C5orf22: variants seen among roughly 807,000 people sequenced by gnomAD.
C5orf22 encodes the protein chromosome 5 open reading frame 22.
C5orf22 carries 36 observed loss-of-function variants against 48.7 expected under a neutral mutation model. The ratio of observed to expected loss-of-function variants is 0.74; its 90% CI spans 0.57 to 0.98. C5orf22 has a LOEUF of 0.98. Among genes scored for constraint, C5orf22 ranks in the 50% least tolerant of loss-of-function variants. C5orf22 has a pLI of 0.00. For missense variants in C5orf22, 486 were observed against 521.9 expected, an observed-to-expected ratio of 0.93 and a Z score of 0.67; for synonymous variants, 141 against 180.8, an observed-to-expected ratio of 0.78 and a Z score of 1.76.
intron 6 of C5orf22, among the ~76,000 whole-genome samples, chr5:31,544,707 G>A (rs750676950): frequency 6.6e-6 from 1 of 152,178 alleles, no homozygotes; most frequent in South Asian, 2.1e-4. Flanking sequence ...AGGCTAAGGT[G>A]GAAGGCTTAC....
In C5orf22 at chr5:31,552,837, A is replaced by G. The variant is rs1743367769; in HGVS notation, c.1264A>G (p.Met422Val). 1 of 1,613,536 alleles carries G rather than the reference A, an allele frequency of 6.2e-7. No homozygotes were observed. The highest frequency in any genetic ancestry group is 1.7e-5 in the Admixed American group (1 of 60,000). The change falls in exon 9 of 9, where the codon ATG becomes GTG. Residue 422 changes from methionine (M) to valine (V), a missense_variant. By Grantham distance (21) the Met-to-Val change is conservative. Transcript: ENST00000325366. ...CACTATTCAAGAAAAGGTCCTCAAT[A>G]TGCTACGTGCCCTCTATGGAAATCT... is the stretch of plus-strand genomic sequence containing the variant. ...VDTIQEKVLN[M>V]LRALYGNLDL...
At chr5:31,552,716 C>T in intron 8 of C5orf22, 57 bp from the exon 9 acceptor site, 1 of 1,496,232 alleles carries the variant, frequency 6.7e-7, no homozygotes, top group South Asian at 1.2e-5. Flanking sequence ...AGCTTTTCCT[C>T]ACAGTATGAT....
rs1743405668 is a variant in C5orf22, at chr5:31,553,270, A to G, written c.*368A>G. 1.0e-5 allele frequency: 2 copies of G among 199,094 alleles called. No homozygotes were observed. The highest frequency in any genetic ancestry group is 1.9e-4 in the South Asian group (2 of 10,420). 12.3% of individuals were successfully genotyped at this position (199,094 alleles called of 1,614,324 possible). ...CAACTAATATTTGTTGAACACTTAC[A>G]TGTACCAGACATTATTAAGTGCTGG... On this transcript the variant is annotated 3_prime_UTR_variant, in exon 9 of 9. Transcript: ENST00000325366.
rs1230515975 is a variant in C5orf22, at chr5:31,553,259, T to A, written c.*357T>A. On this transcript the variant is annotated 3_prime_UTR_variant, in exon 9 of 9. Transcript: ENST00000325366. ...ATTTATTCATTCAACTAATATTTGT[T>A]GAACACTTACATGTACCAGACATTA... The A allele has an allele frequency of 4.9e-6, 1 of 203,650 alleles. No individual in the cohort carries two copies. The highest frequency in any genetic ancestry group is 1.0e-5 in the Non-Finnish European group (1 of 99,926). The allele number at this position is 203,650 out of a possible 1,614,324, so 12.6% of individuals were successfully genotyped here. A position where few individuals can be genotyped will look rare whatever the true frequency, so the allele number is the denominator to read the frequency against.
intron 7 of C5orf22, chr5:31,548,517 G>C (rs1480620436): frequency 2.2e-6 from 1 of 445,590 alleles, no homozygotes; most frequent in Non-Finnish European, 4.5e-6. Context: ...ATCTCCATCT[G>C]AGACCACCTC....
chr5:31,540,912 T>G, intron 4 of C5orf22, 37 bp from the exon 5 acceptor site: 1 of 1,510,098 alleles, frequency 6.6e-7, no homozygotes, highest in Non-Finnish European at 9.1e-7. Context: ...TTAACTTTTT[T>G]TTTTCTGGTA....
At position 31,545,720 on chromosome 5, in the gene C5orf22, T is replaced by C; in HGVS notation, c.1059+8T>C. 6.4e-7 allele frequency: 1 copy of C among 1,562,296 alleles called. No individual in the cohort carries two copies. The highest frequency in any genetic ancestry group is 1.1e-5 in the South Asian group (1 of 88,670). On this transcript the variant is annotated splice_region_variant and intron_variant, in intron 7 of 8. Coordinates refer to ENST00000325366, the MANE Select transcript of C5orf22 (RefSeq NM_018356.3). ...GTACCAGACTATGAAATGGTAAATA[T>C]TTTATATTAATGTGTAAAATTGACC...
chr5:31,540,791 A>G (rs1742403038), intron 4 of C5orf22, 158 bp from the exon 5 acceptor site: 2 of 592,232 alleles, frequency 3.4e-6, no homozygotes, highest in Non-Finnish European at 3.0e-6. Flanking sequence ...ATAAAAATCT[A>G]AAGTATACAT....
Position 31,551,393 on chromosome 5 carries a change from T to G in C5orf22, c.1160T>G (p.Leu387Arg). Residue 387 changes from leucine to arginine, a missense_variant, in exon 8 of 9, where the codon CTG (leucine) becomes CGG (arginine). By Grantham distance (102) the Leu-to-Arg change is moderately radical. Coordinates refer to ENST00000325366, the MANE Select transcript of C5orf22 (RefSeq NM_018356.3). ...ECLIQSVHYL[L>R]KNLPNPTLVT... is the part of the protein sequence containing the mutation. ...CTTATTCAATCTGTGCATTATTTGC[T>G]GAAAAATTTACCAAATCCTACTCTT... The G allele has an allele frequency of 6.2e-7, 1 of 1,613,250 alleles. No homozygotes were observed. Among genetic ancestry groups the G allele is most frequent in the Non-Finnish European group, 8.5e-7 (1 of 1,179,824 alleles).
chr5:31,544,405 A>G (rs1421892076), intron 6 of C5orf22, among the ~76,000 whole-genome samples: 1 of 152,130 alleles, frequency 6.6e-6, no homozygotes, highest in Non-Finnish European at 1.5e-5. Flanking sequence ...AACACGGTGA[A>G]ACCCCGTCTC....
At chr5:31,538,864 C>A (rs1481184345) in intron 4 of C5orf22, among the ~76,000 whole-genome samples, 175 bp downstream of exon 4, 2 of 152,202 alleles carry the variant, frequency 1.3e-5, no homozygotes, top group East Asian at 3.9e-4. Flanking sequence ...TTGTATATAC[C>A]ATTCTTAACT....
intron 7 of C5orf22, among the ~76,000 whole-genome samples, chr5:31,547,211 C>T (rs1260427092): frequency 6.6e-6 from 1 of 152,268 alleles, no homozygotes; most frequent in East Asian, 1.9e-4. Flanking sequence ...TGTCTCACAT[C>T]CAGGTCACGC....
rs1227688615 is a variant in C5orf22, at chr5:31,535,933, G to A, written c.377+40G>A. ...TTTGTGAATATGGAAGTGATTGAATGTTTCTATCTTATTTTGGATTCCTAT... is the reference window on the plus strand; with the variant it reads ...TTTGTGAATATGGAAGTGATTGAATATTTCTATCTTATTTTGGATTCCTAT... On this transcript the variant is annotated intron_variant, in intron 3 of 8. Coordinates refer to ENST00000325366, the MANE Select transcript of C5orf22 (RefSeq NM_018356.3). 3 of 1,586,876 alleles carry A rather than the reference G, an allele frequency of 1.9e-6. No individual in the cohort carries two copies. In the African/African-American group the frequency reaches 4.1e-5, roughly 21 times the overall value.
At chr5:31,550,022 G>A (rs1050423702) in intron 7 of C5orf22, among the ~76,000 whole-genome samples, 12 of 152,128 alleles carry the variant, frequency 7.9e-5, no homozygotes, top group Non-Finnish European at 8.8e-5. Flanking sequence ...CTAGGGCTCA[G>A]TCACAGATTA....
In C5orf22 at chr5:31,553,060, T is replaced by G; in HGVS notation, c.*158T>G. 1.5e-6 allele frequency: 1 copy of G among 647,572 alleles called. No individual in the cohort carries two copies. The allele number at this position is 647,572 out of a possible 1,614,324, so 40.1% of individuals were successfully genotyped here. ...ATCTCTGAACAACCATTGTCAGTTG[T>G]GAATGATGGTAAATTTTTTGGCATC... On this transcript the variant is annotated 3_prime_UTR_variant, in exon 9 of 9. Transcript: ENST00000325366.
rs1743454967 is a variant in C5orf22, at chr5:31,554,134, T to G, written c.*1232T>G. 6.6e-6 allele frequency: 1 copy of G among 152,198 alleles called. No homozygotes were observed. The allele number at this position is 152,198 out of a possible 1,614,324, so 9.4% of individuals were successfully genotyped here. On this transcript the variant is annotated 3_prime_UTR_variant, in exon 9 of 9. Coordinates refer to ENST00000325366, the MANE Select transcript of C5orf22 (RefSeq NM_018356.3). Reference sequence around the variant, plus strand: ...TTTAGTATCTCTTTAGTTCAGTAATTTTTACCTACCTACTTGATTTATTTT... The same window carrying G: ...TTTAGTATCTCTTTAGTTCAGTAATGTTTACCTACCTACTTGATTTATTTT...
intron 3 of C5orf22, among the ~76,000 whole-genome samples, 175 bp downstream of exon 3, chr5:31,536,068 T>C (rs778862327): frequency 6.6e-6 from 1 of 152,232 alleles, no homozygotes; most frequent in Non-Finnish European, 1.5e-5. Flanking sequence ...ATATTCTTCA[T>C]GTACCATTTA....
chr5:31,538,797 T>C, intron 4 of C5orf22, 108 bp downstream of exon 4: 2 of 818,722 alleles, frequency 2.4e-6, no homozygotes, highest in Non-Finnish European at 3.8e-6. Flanking sequence ...ATTTTAGGCT[T>C]TGGGGTTCAC....
At chr5:31,535,204 A>G (rs569881445) in intron 2 of C5orf22, among the ~76,000 whole-genome samples, 8 of 152,358 alleles carry the variant, frequency 5.3e-5, no homozygotes, top group African/African-American at 1.9e-4. Flanking sequence ...GTGAATAACC[A>G]TAGTTTCTTG....
Sources: gnomAD v4.1 joint callset for allele counts (sites outside exome capture counted in the v4.1 genomes callset) on GRCh38, gnomAD v4.1.1 for gene constraint, MANE v1.5 for transcripts, NCBI Gene and HGNC (gene_info 2026-07-23, HGNC 2026-07-21) for gene names.